Variants in FAM184B observed in about 807,000 individuals in gnomAD.
The protein encoded by FAM184B is family with sequence similarity 184 member B.
In FAM184B, 111 loss-of-function variants were observed where a neutral mutation model predicts 135.9. The ratio of observed to expected loss-of-function variants is 0.82; its 90% CI spans 0.70 to 0.96. FAM184B has a LOEUF of 0.96. FAM184B is among the 40% of genes least tolerant of loss of function. FAM184B has a pLI of 0.00. For missense variants in FAM184B, 1,375 were observed against 1,323.9 expected, an observed-to-expected ratio of 1.04 and a Z score of -0.60; for synonymous variants, 552 against 524.8, an observed-to-expected ratio of 1.05 and a Z score of -0.71.
intron 1 of FAM184B, among the ~76,000 whole-genome samples, chr4:17,750,334 C>A (rs185810803): frequency 1.3e-5 from 2 of 152,320 alleles, no homozygotes; most frequent in African/African-American, 4.8e-5. Flanking sequence ...ATCCTATGAA[C>A]TTTAATTCTC....
chr4:17,694,218 G>A (rs541107948), intron 5 of FAM184B, among the ~76,000 whole-genome samples: 2 of 152,020 alleles, frequency 1.3e-5, no homozygotes, highest in East Asian at 2.0e-4. Context: ...TAGATGACAA[G>A]CACTAATATA....
intron 1 of FAM184B, among the ~76,000 whole-genome samples, chr4:17,766,013 G>A (rs1313381312): frequency 2.0e-5 from 3 of 152,336 alleles, no homozygotes; most frequent in South Asian, 2.1e-4. Context: ...GGCTTCAACA[G>A]TGAAGCTGCA....
At chr4:17,748,615 C>A (rs951084475) in intron 1 of FAM184B, among the ~76,000 whole-genome samples, 54 of 147,850 alleles carry the variant, frequency 3.7e-4, no homozygotes, top group South Asian at 4.3e-4. Flanking sequence ...CTCTGGGGCT[C>A]AAGTGATCCT....
At chr4:17,771,114 G>C (rs571671278) in intron 1 of FAM184B, among the ~76,000 whole-genome samples, 1 of 152,252 alleles carries the variant, frequency 6.6e-6, no homozygotes, top group Admixed American at 6.5e-5. Context: ...CATTTCTCTT[G>C]GGTATATACC....
Position 17,632,554 on chromosome 4 carries a change from A to T in FAM184B, c.3161T>A (p.Phe1054Tyr). The change falls in exon 18 of 18, where the codon TTC becomes TAC. Residue 1054 changes from phenylalanine (F) to tyrosine (Y), a missense_variant. Physicochemically the swap from Phe to Tyr is conservative, Grantham distance 22 (BLOSUM62 3). Transcript: ENST00000265018. ...AGCTTAGAAAGAAAAGTACTTGGTG[A>T]ACCATTCCTGGTGCGGAGAGCCCTG... ...QKQGSPHQEWFTKYFSF is the reference protein window; with the variant it reads ...QKQGSPHQEWYTKYFSF The T allele has an allele frequency of 6.4e-7, 1 of 1,551,384 alleles. No homozygotes were observed. Among genetic ancestry groups the T allele is most frequent in the Non-Finnish European group, 8.7e-7 (1 of 1,146,750 alleles).
At chr4:17,729,456 C>T (rs569952102) in intron 1 of FAM184B, among the ~76,000 whole-genome samples, 11 of 152,256 alleles carry the variant, frequency 7.2e-5, no homozygotes, top group East Asian at 3.9e-4. Flanking sequence ...CCTCCTCAAG[C>T]GGGTCCTTGA....
chr4:17,767,936 A>G (rs906040525), intron 1 of FAM184B, among the ~76,000 whole-genome samples: 1 of 152,206 alleles, frequency 6.6e-6, no homozygotes. Context: ...CTGTAAAGGT[A>G]GTAGTTCTAG....
intron 1 of FAM184B, among the ~76,000 whole-genome samples, chr4:17,757,611 C>T (rs1718451227): frequency 2.0e-5 from 3 of 152,022 alleles, no homozygotes; most frequent in Non-Finnish European, 2.9e-5. Context: ...TAAAATGATT[C>T]AGGTGTAGGG....
chr4:17,698,742 A>G (rs1214113094), intron 5 of FAM184B, among the ~76,000 whole-genome samples: 1 of 152,170 alleles, frequency 6.6e-6, no homozygotes, highest in African/African-American at 2.4e-5. Flanking sequence ...TGGAAAATTG[A>G]AAATGTTATG....
At chr4:17,646,767 G>C (rs945351008) in intron 12 of FAM184B, among the ~76,000 whole-genome samples, 1 of 152,160 alleles carries the variant, frequency 6.6e-6, no homozygotes, top group East Asian at 1.9e-4. Context: ...GCTGGGCTTT[G>C]GGAGAATAGC....
In FAM184B at chr4:17,658,567, G is replaced by T; in HGVS notation, c.1825-5C>A. The T allele has an allele frequency of 6.5e-7, 1 of 1,549,692 alleles. No homozygotes were observed. Among genetic ancestry groups the T allele is most frequent in the Non-Finnish European group, 8.7e-7 (1 of 1,146,506 alleles). Reference sequence around the variant, plus strand: ...AGCCTGCTGCATCTGTGAGACCTGCGCACAAGGCATCCTGCCCTCAGTCTA... The same window carrying T: ...AGCCTGCTGCATCTGTGAGACCTGCTCACAAGGCATCCTGCCCTCAGTCTA... On this transcript the variant is annotated splice_polypyrimidine_tract_variant and splice_region_variant and intron_variant, in intron 9 of 17. Coordinates refer to ENST00000265018, the MANE Select transcript of FAM184B (RefSeq NM_015688.2).
chr4:17,718,250 T>C (rs1169812231), intron 1 of FAM184B, among the ~76,000 whole-genome samples: 1 of 152,214 alleles, frequency 6.6e-6, no homozygotes, highest in African/African-American at 2.4e-5. Context: ...TCGGTATTAC[T>C]GCCAGAAGTC....
intron 1 of FAM184B, among the ~76,000 whole-genome samples, chr4:17,722,417 C>T (rs1276590255): frequency 6.6e-6 from 1 of 152,206 alleles, no homozygotes; most frequent in Non-Finnish European, 1.5e-5. Flanking sequence ...CAAAGCTGGG[C>T]TCCTTCCAGC....
intron 1 of FAM184B, among the ~76,000 whole-genome samples, chr4:17,744,692 C>G (rs546596817): frequency 2.9e-4 from 44 of 151,356 alleles, no homozygotes; most frequent in African/African-American, 1.1e-3. Context: ...TGCACTCCAG[C>G]CTGGGGGACA....
intron 12 of FAM184B, among the ~76,000 whole-genome samples, chr4:17,646,481 C>G (rs1048959675): frequency 1.3e-5 from 2 of 151,340 alleles, no homozygotes; most frequent in Non-Finnish European, 2.9e-5. Flanking sequence ...ATCAGAAGGA[C>G]AAAAAACCAA....
intron 14 of FAM184B, among the ~76,000 whole-genome samples, chr4:17,638,628 A>G (rs562522513): frequency 9.2e-5 from 14 of 152,288 alleles, no homozygotes; most frequent in Admixed American, 8.5e-4. Context: ...GGTCCTTAAC[A>G]ATTATTTGTT....
chr4:17,742,849 G>A (rs185710501), intron 1 of FAM184B, among the ~76,000 whole-genome samples: 65 of 152,296 alleles, frequency 4.3e-4, no homozygotes, highest in Non-Finnish European at 8.1e-4. Flanking sequence ...GTGCCAAGAG[G>A]GCAAGAACCT....
chr4:17,694,522 CAA>C (rs5856442), intron 5 of FAM184B, among the ~76,000 whole-genome samples: 2 of 141,510 alleles, frequency 1.4e-5, no homozygotes, highest in Non-Finnish European at 3.1e-5. Flanking sequence ...GACTCCATCT[CAA>C]AAAAAAAAAA....
chr4:17,696,447 C>A (rs1716860689), intron 5 of FAM184B, among the ~76,000 whole-genome samples: 1 of 152,016 alleles, frequency 6.6e-6, no homozygotes, highest in Non-Finnish European at 1.5e-5. Flanking sequence ...CCGGACGGGA[C>A]CAGGCAGGTA....
Sources: allele counts gnomAD v4.1 joint callset (sites outside exome capture counted in the v4.1 genomes callset), GRCh38; gene constraint gnomAD v4.1.1; transcripts MANE v1.5; gene names NCBI Gene and HGNC (gene_info 2026-07-23, HGNC 2026-07-21).